RPS6KA5: variants seen among roughly 807,000 people sequenced by gnomAD.
RPS6KA5 encodes the protein ribosomal protein S6 kinase A5, also known as ribosomal protein S6 kinase alpha-5.
RPS6KA5 carries 27 observed loss-of-function variants against 85.5 expected under a neutral mutation model. The observed-to-expected ratio is 0.32, with a 90% confidence interval of 0.23 to 0.44. RPS6KA5 has a LOEUF of 0.44. Among genes scored for constraint, RPS6KA5 ranks in the 20% least tolerant of loss-of-function variants. RPS6KA5 has a pLI of 1.00. For missense variants in RPS6KA5, 811 were observed against 980.9 expected (o/e 0.83, Z 2.31); for synonymous variants, 334 against 348.2 (o/e 0.96, Z 0.46).
chr14:90,963,738 G>C (rs1422256470), intron 3 of RPS6KA5, among the ~76,000 whole-genome samples: 1 of 152,178 alleles, frequency 6.6e-6, no homozygotes, highest in Non-Finnish European at 1.5e-5. Context: ...TGGGATAGCA[G>C]AGTATCAGAG....
chr14:91,008,058 G>A (rs1229689078), intron 1 of RPS6KA5, among the ~76,000 whole-genome samples: 1 of 152,164 alleles, frequency 6.6e-6, no homozygotes, highest in Admixed American at 6.5e-5. Context: ...TTAAAGTTGT[G>A]AGATGTTTAA....
intron 3 of RPS6KA5, among the ~76,000 whole-genome samples, chr14:90,971,709 T>C (rs1806981150): frequency 6.6e-6 from 1 of 152,234 alleles, no homozygotes; most frequent in Non-Finnish European, 1.5e-5. Context: ...AAGTCTACAG[T>C]GAGCCATAAA....
rs1714894146 is a variant in RPS6KA5 at position 90,873,629 on chromosome 14, T to C, written c.2160+3A>G. On this transcript the variant is annotated splice_donor_region_variant and intron_variant, in intron 16 of 16. Coordinates refer to ENST00000614987, the MANE Select transcript of RPS6KA5 (RefSeq NM_004755.4). Reference sequence around the variant, plus strand: ...CCAACATGTACAGAGCACAGGGCCTTACGTGGAAGGTTGCTTTCACACAGG... The same window carrying C: ...CCAACATGTACAGAGCACAGGGCCTCACGTGGAAGGTTGCTTTCACACAGG... 6.2e-7 allele frequency: 1 copy of C among 1,613,594 alleles called. No homozygotes were observed. Among genetic ancestry groups the C allele is most frequent in the East Asian group, 2.2e-5 (1 of 44,876 alleles).
At chr14:90,951,684 C>T (rs2038198043) in intron 3 of RPS6KA5, among the ~76,000 whole-genome samples, 1 of 152,056 alleles carries the variant, frequency 6.6e-6, no homozygotes, top group African/African-American at 2.4e-5. Flanking sequence ...CTGGAGGCTA[C>T]TTATTTTATT....
chr14:91,009,728 T>C (rs1176792477), intron 1 of RPS6KA5, among the ~76,000 whole-genome samples: 2 of 152,180 alleles, frequency 1.3e-5, no homozygotes, highest in Non-Finnish European at 2.9e-5. Flanking sequence ...AGAGCTTTCA[T>C]GTAGGCAGCT....
intron 3 of RPS6KA5, among the ~76,000 whole-genome samples, chr14:90,971,154 T>C (rs1442452513): frequency 1.3e-5 from 2 of 151,870 alleles, no homozygotes; most frequent in Non-Finnish European, 2.9e-5. Flanking sequence ...CTGTCCCTAC[T>C]AAAAATACAG....
In RPS6KA5 at chr14:91,001,129, C is replaced by T; in HGVS notation, c.134G>A (p.Gly45Glu). Residue 45 changes from glycine to glutamate, a missense_variant, in exon 2 of 17, where the codon GGA (glycine) becomes GAA (glutamate). Around this residue, in one of 3 missense-constraint regions of RPS6KA5, gnomAD observed 113 missense variants for 100.0 expected, o/e 1.13. Transcript: ENST00000614987. The stretch of plus-strand genomic sequence containing the variant: ...CTTCAGGAGCTCAAAATTTTCTATT[C>T]CCACCTTCTCAGCATGTCCTGTCAA... ...ANLTGHAEKV[G>E]IENFELLKVL... 1 of 1,600,962 alleles carries T rather than the reference C, an allele frequency of 6.2e-7. No individual in the cohort carries two copies.
intron 1 of RPS6KA5, among the ~76,000 whole-genome samples, chr14:91,030,611 GAAAAAAA>G (rs58737573): frequency 1.8e-4 from 4 of 22,072 alleles, no homozygotes; most frequent in African/African-American, 3.9e-4. Flanking sequence ...AAAATAAACA[GAAAAAAA>G]AAAAAAAAAA....
intron 2 of RPS6KA5, among the ~76,000 whole-genome samples, chr14:90,980,802 C>A (rs949432388): frequency 1.3e-5 from 2 of 152,196 alleles, no homozygotes; most frequent in African/African-American, 4.8e-5. Flanking sequence ...AGTGAATGGA[C>A]CCAGTGCTCC....
intron 1 of RPS6KA5, among the ~76,000 whole-genome samples, chr14:91,026,404 T>C (rs1188543120): frequency 6.6e-6 from 1 of 152,030 alleles, no homozygotes; most frequent in African/African-American, 2.4e-5. Flanking sequence ...CTAATTTTTT[T>C]TTTCCCAGTA....
chr14:90,960,913 T>C (rs1286097), intron 3 of RPS6KA5, among the ~76,000 whole-genome samples: 111,219 of 152,150 alleles, frequency 0.73, 40,828 homozygotes, highest in East Asian at 0.97. Flanking sequence ...CAGCTTTTTG[T>C]CTCTGTGGAC....
At chr14:91,038,977 TCA>T (rs2042501838) in intron 1 of RPS6KA5, among the ~76,000 whole-genome samples, 1 of 152,184 alleles carries the variant, frequency 6.6e-6, no homozygotes, top group Non-Finnish European at 1.5e-5. Context: ...GGCCCTCTTT[TCA>T]CAGTGTACCC....
At chr14:90,874,887 A>G (rs1022591702) in intron 15 of RPS6KA5, among the ~76,000 whole-genome samples, 4 of 152,196 alleles carry the variant, frequency 2.6e-5, no homozygotes, top group Non-Finnish European at 5.9e-5. Context: ...TAGCAGTGCC[A>G]CTGTTGACAG....
chr14:91,018,870 A>G (rs2041616778), intron 1 of RPS6KA5, among the ~76,000 whole-genome samples: 1 of 152,040 alleles, frequency 6.6e-6, no homozygotes, highest in Non-Finnish European at 1.5e-5. Context: ...CATATAGCCT[A>G]TTAGTTCTGT....
intron 5 of RPS6KA5, among the ~76,000 whole-genome samples, chr14:90,937,114 T>C (rs1331169274): frequency 1.3e-5 from 2 of 151,400 alleles, no homozygotes; most frequent in Non-Finnish European, 2.9e-5. Context: ...CAAAAGGCAG[T>C]GAGAGAGAGA....
Position 90,875,253 on chromosome 14 carries a change from A to G in RPS6KA5, c.1944T>C (p.Phe648=), listed in dbSNP as rs564898212. 9 of 1,613,788 alleles carry G rather than the reference A, an allele frequency of 5.6e-6. No individual in the cohort carries two copies. The East Asian group carries it at 2.0e-4, about 36-fold the overall frequency. The change falls in exon 15 of 17, where the codon TTT becomes TTC. Residue 648 remains phenylalanine (F), a synonymous_variant. Coordinates refer to ENST00000614987, the MANE Select transcript of RPS6KA5 (RefSeq NM_004755.4). ...ATACATTCTTCCAGGCTTCTCCTTC[A>G]AAGGAGAAATCTCCCTTTTTAATTT... ...MKKIKKGDFS[F]EGEAWKNVSQ...
chr14:90,940,530 T>G (rs887584362), intron 5 of RPS6KA5, among the ~76,000 whole-genome samples: 2 of 152,236 alleles, frequency 1.3e-5, no homozygotes, highest in African/African-American at 4.8e-5. Flanking sequence ...TTTGTTTAGT[T>G]TTGAGTCCTA....
chr14:90,941,030 C>T (rs2037543526), intron 5 of RPS6KA5, among the ~76,000 whole-genome samples: 1 of 152,110 alleles, frequency 6.6e-6, no homozygotes, highest in Non-Finnish European at 1.5e-5. Context: ...AGGCCCTCAA[C>T]AAATATCAAT....
At chr14:91,045,845 C>CT (rs2139918831) in intron 1 of RPS6KA5, among the ~76,000 whole-genome samples, 1 of 152,268 alleles carries the variant, frequency 6.6e-6, no homozygotes, top group East Asian at 1.9e-4. Flanking sequence ...ATGGCCCTGG[C>CT]TCCCTTCTCA....
Sources: gnomAD v4.1 joint callset for allele counts (sites outside exome capture counted in the v4.1 genomes callset) on GRCh38, gnomAD v4.1.1 for gene constraint, gnomAD v4.1.1 regional missense constraint, MANE v1.5 for transcripts, NCBI Gene and HGNC (gene_info 2026-07-23, HGNC 2026-07-21) for gene names.